PLAAT3: variants seen among roughly 807,000 people sequenced by gnomAD.
PLAAT3 encodes the protein phospholipase A and acyltransferase 3, also known as Ca-independent phospholipase A1/2.
Under a neutral mutation model 16.7 loss-of-function variants are expected in PLAAT3, and 21 were observed. That is an observed-to-expected ratio of 1.26 (90% confidence interval 0.89 to 1.81). The LOEUF is 1.81. Ranked by LOEUF, PLAAT3 falls within the 40% of genes most tolerant of loss-of-function variation. The probability of loss-of-function intolerance (pLI) is 0.00; values close to 1 mark genes in which losing one functional copy is unlikely to be tolerated. For synonymous variants in PLAAT3, 76 were observed against 81.7 expected, an observed-to-expected ratio of 0.93 and a Z score of 0.38; for missense variants, 219 against 213.7, an observed-to-expected ratio of 1.02 and a Z score of -0.16.
intron 4 of PLAAT3, among the ~76,000 whole-genome samples, chr11:63,577,657 T>C (rs1295877681): frequency 6.6e-6 from 1 of 152,100 alleles, no homozygotes; most frequent in Non-Finnish European, 1.5e-5. Context: ...AGTATAAAAA[T>C]TACCACTGGA....
intron 2 of PLAAT3, among the ~76,000 whole-genome samples, chr11:63,605,952 A>C (rs539192400): frequency 1.3e-5 from 2 of 152,238 alleles, no homozygotes; most frequent in African/African-American, 4.8e-5. Flanking sequence ...TCTGTGCTCA[A>C]GTTCACGGGG....
At chr11:63,606,457 CACACA>C (rs1565256539) in intron 2 of PLAAT3, among the ~76,000 whole-genome samples, 5 of 151,870 alleles carry the variant, frequency 3.3e-5, no homozygotes, top group African/African-American at 1.2e-4. Flanking sequence ...CACACACACA[CACACA>C]CCTTAGTAAA....
upstream of PLAAT3, among the ~76,000 whole-genome samples, chr11:63,615,350 GTATA>G (rs762360963): frequency 2.0e-5 from 2 of 101,364 alleles, no homozygotes; most frequent in African/African-American, 3.3e-5. Context: ...ATATATGTGT[GTATA>G]TATATGTGTG....
intron 2 of PLAAT3, among the ~76,000 whole-genome samples, chr11:63,602,862 G>A (rs1387620345): frequency 6.6e-6 from 1 of 152,162 alleles, no homozygotes; most frequent in African/African-American, 2.4e-5. Flanking sequence ...GGAGGCCAAG[G>A]CAGGCAGATC....
rs902853946 is a variant in PLAAT3 at position 63,586,345 on chromosome 11, G to A, written c.387+3755C>T. 2.0e-5 allele frequency among the ~76,000 whole-genome samples: 3 copies of A among 152,196 alleles called. No homozygotes were observed. The Middle Eastern group carries it at 0.01, about 518-fold the overall frequency. ...GACGGGGTTTCACCATGTTGGCCAG[G>A]GTGGTCTCAAACTCCTCACCTTAGG... On this transcript the variant is annotated intron_variant, in intron 4 of 4. Transcript: ENST00000415826.
At chr11:63,612,265 G>A (rs905745607) in intron 2 of PLAAT3, among the ~76,000 whole-genome samples, 1 of 152,126 alleles carries the variant, frequency 6.6e-6, no homozygotes, top group African/African-American at 2.4e-5. Context: ...TCCCACCTTG[G>A]CCTCCCCAAG....
At chr11:63,616,448 A>C (rs974668932), upstream of PLAAT3, 1 of 151,914 alleles carries the variant, frequency 6.6e-6, no homozygotes, top group Non-Finnish European at 1.5e-5. Context: ...GCATCTTTTT[A>C]ATTTTTATTT....
chr11:63,583,071 A>C (rs1937866438), intron 4 of PLAAT3, among the ~76,000 whole-genome samples: 2 of 151,866 alleles, frequency 1.3e-5, no homozygotes, highest in East Asian at 1.9e-4. Flanking sequence ...CGGAGGTTGC[A>C]GTGAGCCGAG....
intron 2 of PLAAT3, among the ~76,000 whole-genome samples, chr11:63,612,808 A>T (rs1043230825): frequency 3.3e-5 from 5 of 151,984 alleles, no homozygotes; most frequent in African/African-American, 1.2e-4. Context: ...TACTCTCATG[A>T]TTACATATAT....
intron 4 of PLAAT3, among the ~76,000 whole-genome samples, chr11:63,580,716 A>T (rs1191376145): frequency 6.6e-6 from 1 of 152,228 alleles, no homozygotes; most frequent in Non-Finnish European, 1.5e-5. Context: ...CAATGTAATT[A>T]CAAAGTTCCT....
Position 63,614,049 on chromosome 11 carries a change from C to G in PLAAT3, c.-35G>C. On this transcript the variant is annotated 5_prime_UTR_variant, in exon 2 of 5. Transcript: ENST00000415826. Reference sequence around the variant, plus strand: ...CGGTGTGGACCCTCAAGGCCAGGCTCGATTTCGCTGCGTAGATGTCTGAGG... The same window carrying G: ...CGGTGTGGACCCTCAAGGCCAGGCTGGATTTCGCTGCGTAGATGTCTGAGG... 1 of 1,613,634 alleles carries G rather than the reference C, an allele frequency of 6.2e-7. No individual in the cohort carries two copies. The highest frequency in any genetic ancestry group is 8.5e-7 in the Non-Finnish European group (1 of 1,179,714).
chr11:63,591,647 C>G (rs1031006799), intron 3 of PLAAT3, among the ~76,000 whole-genome samples: 5 of 152,212 alleles, frequency 3.3e-5, no homozygotes, highest in African/African-American at 1.2e-4. Context: ...GACCAATAAA[C>G]CTTTTCAGCC....
intron 4 of PLAAT3, among the ~76,000 whole-genome samples, chr11:63,578,287 GA>G (rs368825272): frequency 3.7e-4 from 45 of 121,300 alleles, no homozygotes; most frequent in East Asian, 1.2e-3. Context: ...AGTCTCAAAA[GA>G]AAAAAAAAAA....
At chr11:63,610,461 G>T (rs1938665565) in intron 2 of PLAAT3, among the ~76,000 whole-genome samples, 1 of 152,198 alleles carries the variant, frequency 6.6e-6, no homozygotes, top group Admixed American at 6.5e-5. Context: ...ATCCAGCCTG[G>T]CACTGACAAT....
intron 2 of PLAAT3, among the ~76,000 whole-genome samples, chr11:63,604,723 A>G (rs930542416): frequency 1.3e-5 from 2 of 152,058 alleles, no homozygotes; most frequent in African/African-American, 2.4e-5. Flanking sequence ...AGATGATGCC[A>G]TTGCACTCCA....
intron 4 of PLAAT3, among the ~76,000 whole-genome samples, chr11:63,580,555 GA>G (rs535110752): frequency 3.0e-4 from 45 of 152,340 alleles, no homozygotes; most frequent in Middle Eastern, 6.8e-3. Flanking sequence ...TTGGGAGGCT[GA>G]GGCAGGAGAA....
At position 63,574,959 on chromosome 11, in the gene PLAAT3, G is replaced by T. The variant is rs142158004; in HGVS notation, c.475C>A (p.Arg159=). 6.9e-6 allele frequency: 11 copies of T among 1,604,808 alleles called. No individual in the cohort carries two copies. Among genetic ancestry groups the T allele is most frequent in the African/African-American group, 1.3e-5 (1 of 74,752 alleles). Residue 159 remains arginine, a synonymous_variant, in exon 5 of 5, where the codon CGA becomes AGA. Coordinates refer to ENST00000415826, the MANE Select transcript of PLAAT3 (RefSeq NM_001128203.2). ...LIGVMFSRNK[R]QKQ Reference sequence around the variant, plus strand: ...GTCTTTTTCAGTTATTGCTTTTGTCGCTTGTTTCTTGAGAACATGACTCCA... The same window carrying T: ...GTCTTTTTCAGTTATTGCTTTTGTCTCTTGTTTCTTGAGAACATGACTCCA...
chr11:63,598,981 G>A (rs1938359463), intron 2 of PLAAT3, among the ~76,000 whole-genome samples: 1 of 152,162 alleles, frequency 6.6e-6, no homozygotes, highest in Non-Finnish European at 1.5e-5. Flanking sequence ...GGGGAGCATG[G>A]GGCAGAGTTT....
At chr11:63,587,813 A>C (rs538962073) in intron 4 of PLAAT3, among the ~76,000 whole-genome samples, 4 of 152,180 alleles carry the variant, frequency 2.6e-5, no homozygotes, top group Non-Finnish European at 5.9e-5. Context: ...GAAGGATGTG[A>C]ACTACAGAGG....
Sources: allele counts gnomAD v4.1 joint callset (sites outside exome capture counted in the v4.1 genomes callset), GRCh38; gene constraint gnomAD v4.1.1; transcripts MANE v1.5; gene names NCBI Gene and HGNC (gene_info 2026-07-23, HGNC 2026-07-21).